CHM: variants seen among roughly 807,000 people sequenced by gnomAD.
The protein encoded by CHM is rab proteins geranylgeranyltransferase component A 1.
Under a neutral mutation model 49.0 loss-of-function variants are expected in CHM, and 10 were observed. That is an observed-to-expected ratio of 0.20 (90% CI 0.13 to 0.35). CHM has a LOEUF of 0.35. Among genes scored for constraint, CHM ranks in the 10% least tolerant of loss-of-function variants. CHM has a pLI of 1.00. For synonymous variants in CHM, 184 were observed against 167.5 expected, an observed-to-expected ratio of 1.10 and a Z score of -0.76; for missense variants, 455 against 478.4, an observed-to-expected ratio of 0.95 and a Z score of 0.46.
chrX:86,013,405 G>A (rs1394868434), intron 2 of CHM, among the ~76,000 whole-genome samples: 1 of 111,250 alleles, frequency 9.0e-6, no homozygotes, highest in African/African-American at 3.3e-5. Flanking sequence ...AAAATCCTGC[G>A]TCACTATAAA....
rs1603236292 is a variant in CHM, at chrX:85,878,827, G to T, written c.1609+138C>A. 15 of 494,100 alleles carry T rather than the reference G, an allele frequency of 3.0e-5. No homozygotes were observed. The East Asian group carries it at 5.4e-4, about 18-fold the overall frequency. The allele number at this position is 494,100 out of a possible 1,213,427, so 40.7% of individuals were successfully genotyped here. On this transcript the variant is annotated intron_variant, in intron 13 of 14. Coordinates refer to ENST00000357749, the MANE Select transcript of CHM (RefSeq NM_000390.4). ...ATGTTTAGGCAGACACTGTGCTCAA[G>T]CATCTTATCAAAACATGTGAATTGT...
chrX:85,882,216 T>C (rs1371708790), intron 12 of CHM, among the ~76,000 whole-genome samples: 1 of 112,077 alleles, frequency 8.9e-6, no homozygotes. Context: ...AAACCAAACA[T>C]GTAGAACATG....
In CHM at chrX:85,944,183, G is replaced by C. The variant is rs1055572753; in HGVS notation, c.1166+11970C>G. On this transcript the variant is annotated intron_variant, in intron 8 of 14. Coordinates refer to ENST00000357749, the MANE Select transcript of CHM (RefSeq NM_000390.4). ...TTTCTAATAGGTTGATCCAGGATAG[G>C]AAATGTTTCTTAGATTTCTGAAAAC... is the stretch of plus-strand genomic sequence containing the variant. 2.5e-4 allele frequency among the ~76,000 whole-genome samples: 28 copies of C among 111,523 alleles called. No individual in the cohort carries two copies. In the Admixed American group the frequency reaches 2.7e-3, roughly 11 times the overall value.
chrX:85,900,058 T>G (rs1021650688), intron 11 of CHM, among the ~76,000 whole-genome samples: 1 of 111,668 alleles, frequency 9.0e-6, no homozygotes, highest in African/African-American at 3.3e-5. Context: ...ACCACTCCCA[T>G]GTTCAATGCA....
At chrX:86,020,964 T>C (rs1933527273) in intron 2 of CHM, among the ~76,000 whole-genome samples, 1 of 100,570 alleles carries the variant, frequency 9.9e-6, no homozygotes, top group African/African-American at 3.6e-5. Flanking sequence ...ATCAGAGATA[T>C]ATGTGTGTAT....
intron 8 of CHM, among the ~76,000 whole-genome samples, chrX:85,927,765 G>A (rs1928179073): frequency 8.9e-6 from 1 of 111,835 alleles, no homozygotes; most frequent in Non-Finnish European, 1.9e-5. Flanking sequence ...ACATCAAATT[G>A]CACTACAGAT....
rs968123806 is a variant in CHM, at chrX:86,041,268, G to A, written c.49+6216C>T. Among the ~76,000 whole-genome samples, 23 of 111,557 alleles carry A rather than the reference G, an allele frequency of 2.1e-4. No homozygotes were observed. The Admixed American group carries it at 2.1e-3, about 10-fold the overall frequency. ...TTGGCTCAAATTCATGATTTACAGA[G>A]AAGGGTAAGCATCTCCCAGAGAGTC... On this transcript the variant is annotated intron_variant, in intron 1 of 14. Transcript: ENST00000357749.
intron 8 of CHM, among the ~76,000 whole-genome samples, chrX:85,920,543 G>A (rs1458305388): frequency 8.9e-6 from 1 of 112,100 alleles, no homozygotes; most frequent in Non-Finnish European, 1.9e-5. Context: ...ACTGTTCTTT[G>A]GGGCACACAG....
At chrX:85,903,032 A>C (rs1015980074) in intron 9 of CHM, among the ~76,000 whole-genome samples, 10 of 111,790 alleles carry the variant, frequency 8.9e-5, no homozygotes, top group Admixed American at 9.5e-5. Flanking sequence ...AAAGAAAAAC[A>C]CTTAACAAAT....
intron 8 of CHM, among the ~76,000 whole-genome samples, chrX:85,931,009 G>A (rs1361715484): frequency 9.0e-6 from 1 of 111,555 alleles, no homozygotes; most frequent in Non-Finnish European, 1.9e-5. Context: ...TAGTTTTCAA[G>A]TATTCTAGTA....
chrX:85,876,127 C>T (rs1385925964), intron 13 of CHM, among the ~76,000 whole-genome samples: 2 of 111,469 alleles, frequency 1.8e-5, no homozygotes, highest in Non-Finnish European at 3.8e-5. Flanking sequence ...AGATGTTGAA[C>T]ATCACTAATC....
In CHM at chrX:85,894,183, C is replaced by T. The variant is rs770631615; in HGVS notation, c.1510+5G>A. ...AAATACAAATAACCACTCTACTATG[C>T]TTACAGGTGCCTTTCATGCATGTCA... On this transcript the variant is annotated splice_donor_5th_base_variant and intron_variant, in intron 12 of 14. Coordinates refer to ENST00000357749, the MANE Select transcript of CHM (RefSeq NM_000390.4). 1 of 1,195,703 alleles carries T rather than the reference C, an allele frequency of 8.4e-7. No homozygotes were observed. Among genetic ancestry groups the T allele is most frequent in the East Asian group, 3.0e-5 (1 of 33,641 alleles).
chrX:86,047,393 G>A, intron 1 of CHM, 91 bp downstream of exon 1: 1 of 837,537 alleles, frequency 1.2e-6, no homozygotes, highest in East Asian at 3.3e-5. Flanking sequence ...CTCGACCCAC[G>A]ATGTTTGTCC....
At chrX:85,939,805 T>C (rs1929000352) in intron 8 of CHM, among the ~76,000 whole-genome samples, 1 of 112,209 alleles carries the variant, frequency 8.9e-6, no homozygotes, top group African/African-American at 3.2e-5. Context: ...CCTCACAAAT[T>C]AGCCCATTGG....
In CHM at chrX:85,966,022, T is replaced by C. The variant is rs748622660; in HGVS notation, c.315-1970A>G. 5.4e-5 allele frequency among the ~76,000 whole-genome samples: 6 copies of C among 111,462 alleles called. No homozygotes were observed. The South Asian group carries it at 2.2e-3, about 42-fold the overall frequency. On this transcript the variant is annotated intron_variant, in intron 4 of 14. Transcript: ENST00000357749. The stretch of plus-strand genomic sequence containing the variant: ...TAAGGAAGCTAACATATATGAAAAG[T>C]AGTTTATAAACTCTAAAAGGTTAAT...
In CHM at chrX:85,901,178, T is replaced by C. The variant is rs140093046; in HGVS notation, c.1255A>G (p.Ile419Val). 144 of 1,145,915 alleles carry C rather than the reference T, an allele frequency of 1.3e-4. No individual in the cohort carries two copies. The East Asian group carries it at 4.3e-3, about 34-fold the overall frequency. 94.4% of individuals were successfully genotyped at this position (1,145,915 alleles called of 1,213,427 possible). ...VDKESRKCKA[I>V]IDQFGQRIIS... ...ATTCTCTGACCAAACTGATCTATAA[T>C]TGCTTTACATCTATAAAGAAGATAA... The change falls in exon 10 of 15, where the codon ATT becomes GTT. Residue 419 changes from isoleucine to valine, a missense_variant. Transcript: ENST00000357749.
chrX:85,979,687 T>C (rs1015418261), intron 3 of CHM, among the ~76,000 whole-genome samples: 2 of 112,131 alleles, frequency 1.8e-5, no homozygotes, highest in African/African-American at 3.2e-5. Flanking sequence ...GAGAAAACTT[T>C]TTGAAACTGT....
chrX:85,993,575 G>A (rs1005355838), intron 2 of CHM, among the ~76,000 whole-genome samples: 1 of 111,929 alleles, frequency 8.9e-6, no homozygotes, highest in East Asian at 2.8e-4. Context: ...GCCATTCCTG[G>A]CTTAAAGATG....
rs1923490243 is a variant in CHM, at chrX:85,863,431, G to T, written c.*1199C>A. Reference sequence around the variant, plus strand: ...CTTACCAACTGTCATACACAATTTGGAGTCCTTGGTGGTTGCAGGTTTACC... The same window carrying T: ...CTTACCAACTGTCATACACAATTTGTAGTCCTTGGTGGTTGCAGGTTTACC... On this transcript the variant is annotated 3_prime_UTR_variant, in exon 15 of 15. Transcript: ENST00000357749. 1 of 111,552 alleles carries T rather than the reference G, an allele frequency of 9.0e-6. No individual in the cohort carries two copies. Among genetic ancestry groups the T allele is most frequent in the Non-Finnish European group, 1.9e-5 (1 of 53,112 alleles). The allele number at this position is 111,552 out of a possible 1,213,427, so 9.2% of individuals were successfully genotyped here. A position where few individuals can be genotyped will look rare whatever the true frequency, so the allele number is the denominator to read the frequency against.
Sources: allele counts gnomAD v4.1 joint callset (sites outside exome capture counted in the v4.1 genomes callset), GRCh38; gene constraint gnomAD v4.1.1; transcripts MANE v1.5; gene names NCBI Gene and HGNC (gene_info 2026-07-23, HGNC 2026-07-21).